MEGF11: variants seen among roughly 807,000 people sequenced by gnomAD.
The protein encoded by MEGF11 is multiple EGF like domains 11, also known as multiple epidermal growth factor-like domains protein 11.
In MEGF11, 126 loss-of-function variants were observed where a neutral mutation model predicts 146.6. The ratio of observed to expected loss-of-function variants is 0.86; its 90% confidence interval spans 0.74 to 1.00. The LOEUF (loss-of-function observed/expected upper bound fraction) is 1.00, where lower values mean the gene tolerates loss of function less well. Among genes scored for constraint, MEGF11 ranks in the 50% least tolerant of loss-of-function variants. The pLI, the probability that MEGF11 is intolerant of heterozygous loss-of-function variation, is 0.00. For synonymous variants in MEGF11, 532 were observed against 583.4 expected, an observed-to-expected ratio of 0.91 and a Z score of 1.27; for missense variants, 1,509 against 1,521.2, an observed-to-expected ratio of 0.99 and a Z score of 0.13.
intron 1 of MEGF11, among the ~76,000 whole-genome samples, chr15:66,211,062 G>C (rs113469320): frequency 1.3e-5 from 2 of 152,120 alleles, no homozygotes; most frequent in South Asian, 4.1e-4. Context: ...AAGAAGAGAG[G>C]GGCTTTGGCC....
At chr15:66,189,638 G>T (rs1243794147) in intron 1 of MEGF11, among the ~76,000 whole-genome samples, 3 of 152,162 alleles carry the variant, frequency 2.0e-5, no homozygotes, top group African/African-American at 7.2e-5. Context: ...TGCCTCTGCT[G>T]CTTCCCTGCT....
At chr15:66,242,523 G>A (rs2140242770) in intron 1 of MEGF11, among the ~76,000 whole-genome samples, 1 of 149,842 alleles carries the variant, frequency 6.7e-6, no homozygotes, top group Non-Finnish European at 1.5e-5. Flanking sequence ...AGGGAGGGAG[G>A]GAGAAGTGGT....
chr15:66,244,592 G>A (rs2092267668), intron 1 of MEGF11, among the ~76,000 whole-genome samples: 3 of 152,134 alleles, frequency 2.0e-5, no homozygotes, highest in South Asian at 4.2e-4. Flanking sequence ...AGTGAGCACA[G>A]GAAGCCACCC....
chr15:66,098,407 G>A (rs558220223), intron 4 of MEGF11, among the ~76,000 whole-genome samples: 75 of 152,304 alleles, frequency 4.9e-4, no homozygotes, highest in South Asian at 6.2e-4. Context: ...GGTGCCTGTG[G>A]TCATATATTT....
intron 1 of MEGF11, among the ~76,000 whole-genome samples, chr15:66,132,133 G>A (rs1202539068): frequency 6.6e-6 from 1 of 152,196 alleles, no homozygotes; most frequent in African/African-American, 2.4e-5. Flanking sequence ...TGCTGGCTGA[G>A]CAGATCTTAG....
intron 2 of MEGF11, among the ~76,000 whole-genome samples, chr15:66,126,796 A>C (rs540820589): frequency 1.3e-5 from 2 of 152,352 alleles, no homozygotes; most frequent in East Asian, 3.9e-4. Flanking sequence ...TCTCTGACCC[A>C]CTGGGAAATA....
chr15:66,072,436 GA>G (rs926735824), intron 5 of MEGF11, among the ~76,000 whole-genome samples: 4 of 152,200 alleles, frequency 2.6e-5, no homozygotes, highest in African/African-American at 9.6e-5. Context: ...ATCACCAATT[GA>G]AATTACCGTG....
intron 1 of MEGF11, among the ~76,000 whole-genome samples, chr15:66,214,788 A>G (rs1325507268): frequency 6.6e-6 from 1 of 152,140 alleles, no homozygotes; most frequent in East Asian, 1.9e-4. Flanking sequence ...TGCCACGCAC[A>G]GGGTACAGGC....
rs564725996 is a variant in MEGF11, at chr15:66,017,184, G to A, written c.395-34696C>T. 2.6e-5 allele frequency among the ~76,000 whole-genome samples: 4 copies of A among 152,328 alleles called. No individual in the cohort carries two copies. In the South Asian group the frequency reaches 6.2e-4, roughly 24 times the overall value. On this transcript the variant is annotated intron_variant, in intron 5 of 25. Coordinates refer to ENST00000395614, the MANE Select transcript of MEGF11 (RefSeq NM_001385028.1). Reference sequence around the variant, plus strand: ...CCAGGCCCATGATTACTGTAATGGAGCTGTCATCTGCAGACAGACGGCAGC... The same window carrying A: ...CCAGGCCCATGATTACTGTAATGGAACTGTCATCTGCAGACAGACGGCAGC...
intron 9 of MEGF11, among the ~76,000 whole-genome samples, chr15:65,962,055 G>GAGAT (rs1463961441): frequency 6.6e-6 from 1 of 152,202 alleles, no homozygotes; most frequent in Non-Finnish European, 1.5e-5. Context: ...TGCTTAGACA[G>GAGAT]AGATAGGTTT....
chr15:65,922,032 G>T, intron 15 of MEGF11: 1 of 387,808 alleles, frequency 2.6e-6, no homozygotes, highest in African/African-American at 2.1e-5. Flanking sequence ...TTCTGATGCA[G>T]ATCTCTGTGC....
intron 1 of MEGF11, among the ~76,000 whole-genome samples, chr15:66,208,267 T>C (rs1597152372): frequency 6.6e-6 from 1 of 152,152 alleles, no homozygotes; most frequent in Non-Finnish European, 1.5e-5. Context: ...TTCATTCAAA[T>C]TGGTAAAATG....
chr15:66,184,673 C>A (rs183628241), intron 1 of MEGF11, among the ~76,000 whole-genome samples: 49 of 150,934 alleles, frequency 3.2e-4, no homozygotes, highest in Non-Finnish European at 5.3e-4. Flanking sequence ...TCCCCCTCAA[C>A]CCCTCTTTCC....
chr15:66,083,070 T>C (rs2085962520), intron 5 of MEGF11, among the ~76,000 whole-genome samples: 1 of 152,126 alleles, frequency 6.6e-6, no homozygotes, highest in Non-Finnish European at 1.5e-5. Flanking sequence ...CAGGGGCGCC[T>C]GAGACAGAGA....
intron 1 of MEGF11, among the ~76,000 whole-genome samples, chr15:66,150,555 G>C (rs1050602907): frequency 6.6e-6 from 1 of 151,614 alleles, no homozygotes; most frequent in Non-Finnish European, 1.5e-5. Context: ...GGGCAAGCAG[G>C]CCTATCCCTT....
chr15:66,034,973 C>A (rs333589), intron 5 of MEGF11, among the ~76,000 whole-genome samples: 93,942 of 152,036 alleles, frequency 0.62, 29,980 homozygotes, highest in Non-Finnish European at 0.7. Flanking sequence ...CATGTTATGA[C>A]ACAGCAAGAA....
intron 23 of MEGF11, among the ~76,000 whole-genome samples, chr15:65,907,169 C>T (rs914708470): frequency 6.6e-6 from 1 of 152,192 alleles, no homozygotes; most frequent in Non-Finnish European, 1.5e-5. Flanking sequence ...CTGTTGCTAT[C>T]GCTCCTCTAC....
At chr15:65,942,141 A>G (rs1596877291) in intron 10 of MEGF11, among the ~76,000 whole-genome samples, 1 of 152,184 alleles carries the variant, frequency 6.6e-6, no homozygotes, top group African/African-American at 2.4e-5. Context: ...GGAAGGGGCA[A>G]CTGATTCCAA....
intron 21 of MEGF11, among the ~76,000 whole-genome samples, chr15:65,910,878 C>T (rs1468351770): frequency 6.6e-6 from 1 of 152,116 alleles, no homozygotes; most frequent in Non-Finnish European, 1.5e-5. Context: ...CCACCATGGC[C>T]CTGCTCCCCA....
Sources: allele counts gnomAD v4.1 joint callset (sites outside exome capture counted in the v4.1 genomes callset), GRCh38; gene constraint gnomAD v4.1.1; transcripts MANE v1.5; gene names NCBI Gene and HGNC (gene_info 2026-07-23, HGNC 2026-07-21).